MYH14: variants seen among roughly 807,000 people sequenced by gnomAD.
The protein encoded by MYH14 is myosin heavy chain 14.
Under a neutral mutation model 255.5 loss-of-function variants are expected in MYH14, and 123 were observed. The observed-to-expected ratio is 0.48, with a 90% CI of 0.42 to 0.56. The LOEUF (loss-of-function observed/expected upper bound fraction) is 0.56, where lower values mean the gene tolerates loss of function less well. Among genes scored for constraint, MYH14 ranks in the 20% least tolerant of loss-of-function variants. The pLI is 0.00. For synonymous variants in MYH14, 1,095 were observed against 1,161.2 expected, an observed-to-expected ratio of 0.94 and a Z score of 1.16; for missense variants, 2,423 against 2,802.3, an observed-to-expected ratio of 0.86 and a Z score of 3.06.
chr19:50,265,135 C>T (rs1030899110), intron 22 of MYH14, among the ~76,000 whole-genome samples: 2 of 152,194 alleles, frequency 1.3e-5, no homozygotes, highest in African/African-American at 4.8e-5. Context: ...GGCCTGTGGG[C>T]CAGATGGCTG....
Position 50,230,474 on chromosome 19 carries a change from C to T in MYH14, c.875-51C>T. ...AGGGCAGGCTCCTGTAGTGGCCTGG[C>T]AGCGTCGGGGCCGTCCCTTCCCCTC... On this transcript the variant is annotated intron_variant, in intron 8 of 42. Coordinates refer to ENST00000642316, the MANE Select transcript of MYH14 (RefSeq NM_001145809.2). The surrounding 1 kb of genome is among the most constrained non-coding windows in gnomAD (Gnocchi z 4.7). 2 of 1,496,262 alleles carry T rather than the reference C, an allele frequency of 1.3e-6. No individual in the cohort carries two copies. The highest frequency in any genetic ancestry group is 3.9e-5 in the Admixed American group (2 of 50,922). 92.7% of individuals were successfully genotyped at this position (1,496,262 alleles called of 1,614,324 possible).
intron 33 of MYH14, among the ~76,000 whole-genome samples, chr19:50,284,558 T>A (rs1487252477): frequency 6.6e-6 from 1 of 151,558 alleles, no homozygotes; most frequent in Non-Finnish European, 1.5e-5. Flanking sequence ...ATTTTTTTTT[T>A]ATTTTTTATT....
chr19:50,270,521 CAAA>C (rs200748159), intron 24 of MYH14, among the ~76,000 whole-genome samples: 4 of 52,890 alleles, frequency 7.6e-5, no homozygotes, highest in Non-Finnish European at 8.1e-5. Context: ...AACTCCGTCT[CAAA>C]AAAAAAAAAA....
chr19:50,245,226 C>T (rs1226465970), intron 11 of MYH14, among the ~76,000 whole-genome samples: 1 of 151,876 alleles, frequency 6.6e-6, no homozygotes, highest in Non-Finnish European at 1.5e-5. Flanking sequence ...CGAGACCAGC[C>T]TGGCCAACAT....
At chr19:50,249,958 C>G in intron 14 of MYH14, 135 bp downstream of exon 14, 1 of 1,085,708 alleles carries the variant, frequency 9.2e-7, no homozygotes, top group Non-Finnish European at 1.3e-6. Context: ...GGTGACAGCA[C>G]CTGCTTCCTC....
At chr19:50,298,727 G>A (rs1450748379) in intron 39 of MYH14, among the ~76,000 whole-genome samples, 2 of 150,682 alleles carry the variant, frequency 1.3e-5, no homozygotes, top group Non-Finnish European at 2.9e-5. Context: ...CTCCAGCCTA[G>A]GCAACAGAGC....
rs1216339032 is a variant in MYH14, at chr19:50,280,333, G to A, written c.4240G>A (p.Ala1414Thr). 1 of 1,549,350 alleles carries A rather than the reference G, an allele frequency of 6.5e-7. No individual in the cohort carries two copies. The highest frequency in any genetic ancestry group is 1.2e-5 in the South Asian group (1 of 83,926). ...AGLREQLEEEAAARERAGREL... is the reference protein window; with the variant it reads ...AGLREQLEEETAARERAGREL... ...GCTGCGTGAGCAGCTGGAGGAGGAG[G>A]CAGCTGCCAGGGAACGGGCGGGCCG... The change falls in exon 32 of 43, where the codon GCA becomes ACA. Residue 1414 changes from alanine to threonine, a missense_variant. Ala to Thr is a moderately conservative substitution (Grantham distance 58). Around this residue, in one of 3 missense-constraint regions of MYH14, gnomAD observed 1,513 missense variants for 1,674.8 expected, o/e 0.90. Coordinates refer to ENST00000642316, the MANE Select transcript of MYH14 (RefSeq NM_001145809.2). This position sits in a 1 kb window ranked among gnomAD's most constrained non-coding sequence, Gnocchi z 4.8.
At chr19:50,218,780 TC>T (rs1332809796) in intron 3 of MYH14, among the ~76,000 whole-genome samples, 1 of 151,624 alleles carries the variant, frequency 6.6e-6, no homozygotes, top group Non-Finnish European at 1.5e-5. Flanking sequence ...TCACCCTGAG[TC>T]CCCAAAGTCA....
rs190332572 is a variant in MYH14, at chr19:50,305,579, T to C, written c.5679-1470T>C. 9.2e-5 allele frequency among the ~76,000 whole-genome samples: 14 copies of C among 152,150 alleles called. No individual in the cohort carries two copies. The East Asian group carries it at 2.5e-3, about 27-fold the overall frequency. ...GTAGCTTGAGGTCTATGGGGACCCC[T>C]GCTCCATTATACAAATGAGGAAACT... On this transcript the variant is annotated intron_variant, in intron 40 of 42. Coordinates refer to ENST00000642316, the MANE Select transcript of MYH14 (RefSeq NM_001145809.2).
chr19:50,275,832 C>CTTAAA lies in MYH14; in HGVS notation c.3468-155_3468-151dup, dbSNP rs1290669115. ...CAGAGCGAGACCCTGTCTCAGAAAA[C>CTTAAA]TTAAATTAGTACTGCAGCCAAGTGC... On this transcript the variant is annotated intron_variant, in intron 27 of 42. Coordinates refer to ENST00000642316, the MANE Select transcript of MYH14 (RefSeq NM_001145809.2). Among the ~76,000 whole-genome samples the CTTAAA allele has an allele frequency of 2.0e-5, 3 of 152,192 alleles. No individual in the cohort carries two copies. The East Asian group carries it at 5.8e-4, about 29-fold the overall frequency.
chr19:50,301,284 T>C (rs1301357621), intron 39 of MYH14, among the ~76,000 whole-genome samples: 1 of 152,088 alleles, frequency 6.6e-6, no homozygotes, highest in Non-Finnish European at 1.5e-5. Context: ...CCCAGATGTC[T>C]GCATTTTTTT....
intron 10 of MYH14, among the ~76,000 whole-genome samples, chr19:50,234,864 G>T (rs1274232978): frequency 2.6e-5 from 4 of 152,296 alleles, no homozygotes; most frequent in African/African-American, 9.6e-5. Context: ...GTGGCTAAAG[G>T]TTGTACTGAC....
In MYH14 at chr19:50,301,848, A is replaced by C. The variant is rs770918120; in HGVS notation, c.5657A>C (p.Glu1886Ala). 17 of 1,612,578 alleles carry C rather than the reference A, an allele frequency of 1.1e-5. No individual in the cohort carries two copies. Among genetic ancestry groups the C allele is most frequent in the Non-Finnish European group, 1.4e-5 (16 of 1,179,374 alleles). The stretch of plus-strand genomic sequence containing the variant: ...GAGTCTAAGTTGGCCCAGGCTGAGG[A>C]GCAGCTAGAGCAAGAGACCAGGTAG... ...ALESKLAQAE[E>A]QLEQETRERI... The change falls in exon 40 of 43, where the codon GAG becomes GCG. Residue 1886 changes from glutamate to alanine, a missense_variant. Physicochemically the swap from Glu to Ala is moderately radical, Grantham distance 107. Coordinates refer to ENST00000642316, the MANE Select transcript of MYH14 (RefSeq NM_001145809.2).
intron 1 of MYH14, among the ~76,000 whole-genome samples, chr19:50,205,254 C>G (rs1361218518): frequency 6.6e-6 from 1 of 152,212 alleles, no homozygotes; most frequent in Non-Finnish European, 1.5e-5. Context: ...CAGCCTTCTC[C>G]GCGGCGGGCC....
chr19:50,299,714 G>C (rs2036412112), intron 39 of MYH14, among the ~76,000 whole-genome samples: 2 of 152,150 alleles, frequency 1.3e-5, no homozygotes, highest in East Asian at 3.9e-4. Flanking sequence ...GGAGACCGAG[G>C]TGGGTGGATC....
rs2034880960 is a variant in MYH14, at chr19:50,261,614, C to T, written c.2564C>T (p.Ala855Val). 3.1e-6 allele frequency: 5 copies of T among 1,599,638 alleles called. No homozygotes were observed. The highest frequency in any genetic ancestry group is 1.7e-5 in the Admixed American group (1 of 58,852). ...ATCATCGTCTCCTTCCAGGCAGCTG[C>T]CCGGGGATACCTGGCTCGCAGGTGG... ...TDIIVSFQAA[A>V]RGYLARRAFQ... The change falls in exon 21 of 43, where the codon GCC becomes GTC. Residue 855 changes from alanine to valine, a missense_variant. Physicochemically the swap from Ala to Val is moderately conservative, Grantham distance 64 (BLOSUM62 0). Around this residue, in one of 3 missense-constraint regions of MYH14, gnomAD observed 1,513 missense variants for 1,674.8 expected, o/e 0.90. Coordinates refer to ENST00000642316, the MANE Select transcript of MYH14 (RefSeq NM_001145809.2).
At chr19:50,259,826 C>G (rs1044041438) in intron 19 of MYH14, among the ~76,000 whole-genome samples, 1 of 151,878 alleles carries the variant, frequency 6.6e-6, no homozygotes, top group African/African-American at 2.4e-5. Flanking sequence ...TGCAGTGAGC[C>G]GAGATTGCGC....
Position 50,301,700 on chromosome 19 carries a change from T to G in MYH14, c.5509T>G (p.Phe1837Val). ...LTTELSAERS[F>V]SAKAESGRQQ... Reference sequence around the variant, plus strand: ...CACAGAGCTGTCAGCTGAGCGCAGTTTCTCAGCCAAGGCAGAGAGCGGGCG... The same window carrying G: ...CACAGAGCTGTCAGCTGAGCGCAGTGTCTCAGCCAAGGCAGAGAGCGGGCG... Residue 1837 changes from phenylalanine (F) to valine (V), a missense_variant, in exon 40 of 43, where the codon TTC becomes GTC. Coordinates refer to ENST00000642316, the MANE Select transcript of MYH14 (RefSeq NM_001145809.2). 1 of 1,613,808 alleles carries G rather than the reference T, an allele frequency of 6.2e-7. No homozygotes were observed. The highest frequency in any genetic ancestry group is 8.5e-7 in the Non-Finnish European group (1 of 1,179,786).
intron 26 of MYH14, 58 bp from the exon 27 acceptor site, chr19:50,272,502 G>A (rs1403751135): frequency 1.0e-5 from 16 of 1,536,958 alleles, no homozygotes; most frequent in African/African-American, 1.4e-5. Context: ...GTCTCTGTGA[G>A]AGCGGCTGAG....
Sources: gnomAD v4.1 joint callset for allele counts (sites outside exome capture counted in the v4.1 genomes callset) on GRCh38, gnomAD v4.1.1 for gene constraint, gnomAD v4.1.1 regional missense constraint, Gnocchi (gnomAD v3.1) non-coding constraint, MANE v1.5 for transcripts, NCBI Gene and HGNC (gene_info 2026-07-23, HGNC 2026-07-21) for gene names.